The following DNAJC1 variants were observed in gnomAD, a reference collection of about 807,000 sequenced individuals.
DNAJC1 encodes the protein dnaJ homolog subfamily C member 1.
Under a neutral mutation model 76.6 loss-of-function variants are expected in DNAJC1, and 58 were observed. That is an observed-to-expected ratio of 0.76 (90% confidence interval 0.61 to 0.94). The LOEUF is 0.94. Ranked by LOEUF, DNAJC1 falls within the 40% of genes least tolerant of loss-of-function variation. The pLI is 0.00. For synonymous variants in DNAJC1, 258 were observed against 267.9 expected (o/e 0.96, Z 0.36); for missense variants, 689 against 677.3 (o/e 1.02, Z -0.19).
chr10:21,931,125 T>C (rs1348851223), intron 1 of DNAJC1, among the ~76,000 whole-genome samples: 2 of 152,182 alleles, frequency 1.3e-5, no homozygotes, highest in East Asian at 1.9e-4. Context: ...CTCTAAACCC[T>C]TGAGCAGCTA....
At chr10:21,960,046 G>A (rs138008571) in intron 1 of DNAJC1, among the ~76,000 whole-genome samples, 2 of 152,106 alleles carry the variant, frequency 1.3e-5, no homozygotes, top group African/African-American at 2.4e-5. Context: ...TTTTTTGCCT[G>A]GATTATTACA....
At chr10:21,757,909 C>T (rs1834194703) in intron 11 of DNAJC1, among the ~76,000 whole-genome samples, 1 of 152,148 alleles carries the variant, frequency 6.6e-6, no homozygotes, top group East Asian at 1.9e-4. Context: ...GGTGTTCTAT[C>T]CTTAGGAATC....
At chr10:21,840,903 A>T (rs1193321685) in intron 8 of DNAJC1, among the ~76,000 whole-genome samples, 1 of 152,164 alleles carries the variant, frequency 6.6e-6, no homozygotes, top group Non-Finnish European at 1.5e-5. Context: ...ACCAAAACAG[A>T]GATATAGACC....
At chr10:21,828,220 G>A (rs1403051902) in intron 8 of DNAJC1, among the ~76,000 whole-genome samples, 1 of 152,162 alleles carries the variant, frequency 6.6e-6, no homozygotes, top group African/African-American at 2.4e-5. Context: ...CTAGGCTGGG[G>A]TCTGCTAGAG....
intron 1 of DNAJC1, among the ~76,000 whole-genome samples, chr10:21,993,096 T>A (rs756503768): frequency 1.8e-5 from 2 of 113,874 alleles, no homozygotes; most frequent in Non-Finnish European, 3.7e-5. Context: ...TATGTTTACA[T>A]ATATACTTTT....
chr10:21,831,969 C>T (rs1835363118), intron 8 of DNAJC1, among the ~76,000 whole-genome samples: 1 of 151,892 alleles, frequency 6.6e-6, no homozygotes, highest in Non-Finnish European at 1.5e-5. Context: ...AGGTGGATAC[C>T]ATAGTCATCC....
chr10:21,777,740 G>C (rs902660940), intron 9 of DNAJC1, among the ~76,000 whole-genome samples: 18 of 152,222 alleles, frequency 1.2e-4, no homozygotes, highest in Admixed American at 1.1e-3. Context: ...GGCCTGGACT[G>C]ACATTAACTA....
chr10:21,880,977 T>C (rs1836266382), intron 8 of DNAJC1, among the ~76,000 whole-genome samples: 1 of 152,258 alleles, frequency 6.6e-6, no homozygotes, highest in South Asian at 2.1e-4. Flanking sequence ...TCATCAATGA[T>C]CTTGGCTAGA....
intron 6 of DNAJC1, among the ~76,000 whole-genome samples, chr10:21,908,171 A>ATATATAATATATAAAAATATATAT (rs1836785452): frequency 9.0e-6 from 1 of 110,734 alleles, no homozygotes; most frequent in Non-Finnish European, 1.7e-5. Flanking sequence ...AAAATATATA[A>ATATATAATATATAAAAATATATAT]TATATAATAT....
At chr10:21,837,901 C>G (rs1485058982) in intron 8 of DNAJC1, among the ~76,000 whole-genome samples, 1 of 147,792 alleles carries the variant, frequency 6.8e-6, no homozygotes, top group African/African-American at 2.5e-5. Context: ...GCCAGCCGCC[C>G]CGTCCGGGAG....
intron 9 of DNAJC1, among the ~76,000 whole-genome samples, chr10:21,778,714 G>A (rs971858403): frequency 1.3e-5 from 2 of 152,184 alleles, no homozygotes; most frequent in Non-Finnish European, 2.9e-5. Context: ...TGAGATACCA[G>A]GTTCATCTCA....
At chr10:21,889,283 C>T (rs557696423) in intron 7 of DNAJC1, among the ~76,000 whole-genome samples, 9 of 152,110 alleles carry the variant, frequency 5.9e-5, no homozygotes, top group Non-Finnish European at 1.2e-4. Flanking sequence ...AAGAAGAGCA[C>T]GAAGGGGATT....
intron 1 of DNAJC1, among the ~76,000 whole-genome samples, chr10:21,988,696 C>T (rs1838284643): frequency 6.6e-6 from 1 of 152,116 alleles, no homozygotes; most frequent in African/African-American, 2.4e-5. Context: ...TTTTGTGAAT[C>T]TCTGAAGACT....
chr10:21,912,161 T>C (rs1368549729), intron 6 of DNAJC1, among the ~76,000 whole-genome samples: 2 of 152,134 alleles, frequency 1.3e-5, no homozygotes, highest in Non-Finnish European at 1.5e-5. Context: ...ATTTATTCTT[T>C]TTTAGTTTTT....
intron 1 of DNAJC1, among the ~76,000 whole-genome samples, chr10:21,941,827 G>C (rs1387391094): frequency 6.6e-6 from 1 of 151,930 alleles, no homozygotes; most frequent in South Asian, 2.1e-4. Context: ...GACCAAGAAG[G>C]GTAAGTAAGT....
At chr10:21,841,410 A>G (rs1835572236) in intron 8 of DNAJC1, among the ~76,000 whole-genome samples, 1 of 152,210 alleles carries the variant, frequency 6.6e-6, no homozygotes, top group African/African-American at 2.4e-5. Context: ...TACAAGAAAA[A>G]AACAAACAAC....
chr10:21,922,019 AT>A (rs1837050942), intron 3 of DNAJC1, among the ~76,000 whole-genome samples: 1 of 152,050 alleles, frequency 6.6e-6, no homozygotes, highest in African/African-American at 2.4e-5. Flanking sequence ...TGACCAAAAT[AT>A]TTTAATTAAA....
intron 8 of DNAJC1, among the ~76,000 whole-genome samples, chr10:21,819,557 T>C (rs963426354): frequency 6.6e-6 from 1 of 152,194 alleles, no homozygotes; most frequent in East Asian, 1.9e-4. Context: ...TTAGAAGTTA[T>C]TTAATCTCTT....
chr10:21,780,149 G>T (rs964830262), intron 9 of DNAJC1, among the ~76,000 whole-genome samples: 3 of 152,202 alleles, frequency 2.0e-5, no homozygotes, highest in African/African-American at 7.2e-5. Context: ...GGGGACAATG[G>T]AACCAAGTTG....
Sources: gnomAD v4.1 joint callset for allele counts (sites outside exome capture counted in the v4.1 genomes callset) on GRCh38, gnomAD v4.1.1 for gene constraint, MANE v1.5 for transcripts, NCBI Gene and HGNC (gene_info 2026-07-23, HGNC 2026-07-21) for gene names.